Variants in TBCK observed in about 807,000 individuals in gnomAD.
The protein encoded by TBCK is TBC1 domain containing kinase.
A neutral mutation model predicts 113.4 loss-of-function variants in TBCK; 99 were observed. The observed-to-expected ratio is 0.87, with a 90% CI of 0.74 to 1.03. The LOEUF (loss-of-function observed/expected upper bound fraction) is 1.03, where lower values mean the gene tolerates loss of function less well. Among genes scored for constraint, TBCK ranks in the 50% least tolerant of loss-of-function variants. The pLI, the probability that TBCK is intolerant of heterozygous loss-of-function variation, is 0.00. For missense variants in TBCK, 1,045 were observed against 1,061.3 expected, an observed-to-expected ratio of 0.98 and a Z score of 0.21; for synonymous variants, 369 against 370.8, an observed-to-expected ratio of 1.00 and a Z score of 0.05.
intron 25 of TBCK, among the ~76,000 whole-genome samples, chr4:106,093,497 A>T (rs1473845938): frequency 6.6e-6 from 1 of 152,172 alleles, no homozygotes; most frequent in African/African-American, 2.4e-5. Flanking sequence ...AAAGGGCGAG[A>T]CTCGTCTCAA....
chr4:106,286,987 C>T (rs1765179020), intron 3 of TBCK, among the ~76,000 whole-genome samples: 1 of 152,118 alleles, frequency 6.6e-6, no homozygotes, highest in Admixed American at 6.5e-5. Context: ...GCCTCAGTTC[C>T]TTTACCAAGT....
chr4:106,156,807 A>T (rs1184503923), intron 23 of TBCK, among the ~76,000 whole-genome samples: 1 of 152,046 alleles, frequency 6.6e-6, no homozygotes, highest in African/African-American at 2.4e-5. Flanking sequence ...GCTGTCCAAG[A>T]GCCAAGTCCT....
intron 23 of TBCK, among the ~76,000 whole-genome samples, chr4:106,116,865 T>A (rs1429454666): frequency 1.3e-5 from 2 of 152,132 alleles, no homozygotes; most frequent in African/African-American, 4.8e-5. Flanking sequence ...CTCTCACTGA[T>A]TCTAGCTTAT....
At position 106,171,151 on chromosome 4, in the gene TBCK, T is replaced by C. The variant is rs1579115426; in HGVS notation, c.2179A>G (p.Arg727Gly). The change falls in exon 23 of 26, where the codon AGA becomes GGA. Residue 727 changes from arginine (R) to glycine (G), a missense_variant. Physicochemically the swap from Arg to Gly is moderately radical, Grantham distance 125 (BLOSUM62 -2). Coordinates refer to ENST00000394708, the MANE Select transcript of TBCK (RefSeq NM_001163435.3). ...GCAGAGAAATAAGGTGCCGAACTTC[T>C]GCCTCCACTGCTGTCAGAAGATGGC... ...PKPSSDSSGG[R>G]SSAPYFSAEC... 6.2e-7 allele frequency: 1 copy of C among 1,612,818 alleles called. No individual in the cohort carries two copies. The highest frequency in any genetic ancestry group is 8.5e-7 in the Non-Finnish European group (1 of 1,179,422).
chr4:106,142,202 A>C (rs1386626148), intron 23 of TBCK, among the ~76,000 whole-genome samples: 1 of 96,754 alleles, frequency 1.0e-5, no homozygotes, highest in Non-Finnish European at 2.7e-5. Flanking sequence ...TAGGATATCT[A>C]AACAATAATC....
At chr4:106,229,597 CTA>C (rs539178808) in intron 19 of TBCK, among the ~76,000 whole-genome samples, 183 of 152,054 alleles carry the variant, frequency 1.2e-3, no homozygotes, top group Non-Finnish European at 2.0e-3. Context: ...TTCTATTGGT[CTA>C]TGTGTCTGTT....
At chr4:106,238,009 AAATT>A (rs1266613737) in intron 12 of TBCK, among the ~76,000 whole-genome samples, 2 of 152,228 alleles carry the variant, frequency 1.3e-5, no homozygotes, top group South Asian at 2.1e-4. Flanking sequence ...AAGATTCAGC[AAATT>A]AATATTTCTT....
chr4:106,278,806 T>A (rs1342237232), intron 3 of TBCK, among the ~76,000 whole-genome samples: 1 of 151,914 alleles, frequency 6.6e-6, no homozygotes, highest in Non-Finnish European at 1.5e-5. Context: ...TGTGAATGGG[T>A]ATAATCAACT....
intron 3 of TBCK, among the ~76,000 whole-genome samples, chr4:106,274,503 T>C (rs182600831): frequency 1.3e-5 from 2 of 152,248 alleles, no homozygotes; most frequent in East Asian, 3.9e-4. Context: ...TACAAATAAA[T>C]GAAGTACTAA....
intron 23 of TBCK, among the ~76,000 whole-genome samples, chr4:106,127,964 C>T (rs535705489): frequency 1.2e-4 from 18 of 152,190 alleles, no homozygotes; most frequent in Admixed American, 5.2e-4. Flanking sequence ...CACACACACA[C>T]GCGTACACAC....
intron 19 of TBCK, among the ~76,000 whole-genome samples, chr4:106,219,900 A>T (rs577496005): frequency 3.9e-5 from 6 of 152,318 alleles, no homozygotes; most frequent in Non-Finnish European, 8.8e-5. Flanking sequence ...CTCCTACAGT[A>T]AAGTAACATC....
intron 3 of TBCK, among the ~76,000 whole-genome samples, chr4:106,281,717 A>C (rs1243821116): frequency 6.6e-6 from 1 of 152,066 alleles, no homozygotes; most frequent in Non-Finnish European, 1.5e-5. Context: ...GCATCATGTT[A>C]ATTGATTTGC....
chr4:106,287,245 C>T (rs1002285214), intron 3 of TBCK, among the ~76,000 whole-genome samples: 1 of 152,140 alleles, frequency 6.6e-6, no homozygotes, highest in Non-Finnish European at 1.5e-5. Flanking sequence ...TAATACTCTA[C>T]CCCCTATTCT....
At chr4:106,240,635 T>C (rs145055247) in intron 12 of TBCK, among the ~76,000 whole-genome samples, 2 of 152,104 alleles carry the variant, frequency 1.3e-5, no homozygotes, top group Admixed American at 6.6e-5. Flanking sequence ...TGAAAAAATA[T>C]TATTGATGTA....
At chr4:106,193,388 T>A (rs1425368993) in intron 22 of TBCK, among the ~76,000 whole-genome samples, 3 of 152,120 alleles carry the variant, frequency 2.0e-5, no homozygotes, top group African/African-American at 7.2e-5. Context: ...ATTACCAAGA[T>A]GGAAGTAAAT....
intron 12 of TBCK, among the ~76,000 whole-genome samples, chr4:106,241,272 A>C (rs1300822965): frequency 6.6e-6 from 1 of 151,984 alleles, no homozygotes; most frequent in Non-Finnish European, 1.5e-5. Context: ...TGACATATTT[A>C]TTTAAGCATG....
At chr4:106,293,934 A>G (rs1195256219) in intron 3 of TBCK, among the ~76,000 whole-genome samples, 5 of 152,232 alleles carry the variant, frequency 3.3e-5, no homozygotes, top group African/African-American at 4.8e-5. Flanking sequence ...TTTTAAGGTC[A>G]CTTCGGGAAA....
intron 20 of TBCK, among the ~76,000 whole-genome samples, chr4:106,210,467 A>G (rs1755997638): frequency 6.6e-6 from 1 of 152,166 alleles, no homozygotes; most frequent in Non-Finnish European, 1.5e-5. Context: ...GTAATAGGCT[A>G]ACTTATAAGC....
chr4:106,095,646 G>A lies in TBCK; in HGVS notation c.2412-5C>T. On this transcript the variant is annotated splice_polypyrimidine_tract_variant and splice_region_variant and intron_variant, in intron 24 of 25. Coordinates refer to ENST00000394708, the MANE Select transcript of TBCK (RefSeq NM_001163435.3). ...GAAATGTGACCACGAATAAAGCTGA[G>A]AAGGAAAGTTTAAGGAAAACATTTA... The A allele has an allele frequency of 6.2e-7, 1 of 1,612,004 alleles. No individual in the cohort carries two copies. The highest frequency in any genetic ancestry group is 8.5e-7 in the Non-Finnish European group (1 of 1,178,920).
Sources: allele counts gnomAD v4.1 joint callset (sites outside exome capture counted in the v4.1 genomes callset), GRCh38; gene constraint gnomAD v4.1.1; transcripts MANE v1.5; gene names NCBI Gene and HGNC (gene_info 2026-07-23, HGNC 2026-07-21).